SLC66A1: variants seen among roughly 807,000 people sequenced by gnomAD.
SLC66A1 encodes the protein lysosomal amino acid transporter 1 homolog.
A neutral mutation model predicts 33.0 loss-of-function variants in SLC66A1; 23 were observed. That is an observed-to-expected ratio of 0.70 (90% confidence interval 0.50 to 0.99). The LOEUF (loss-of-function observed/expected upper bound fraction) is 0.99. Among genes scored for constraint, SLC66A1 ranks in the 50% least tolerant of loss-of-function variants. The pLI is 0.00. For missense variants in SLC66A1, 335 were observed against 383.6 expected (o/e 0.87, Z 1.06); for synonymous variants, 164 against 175.5 (o/e 0.93, Z 0.52).
At chr1:19,314,142 G>A (rs909201045) in intron 1 of SLC66A1, among the ~76,000 whole-genome samples, 1 of 152,208 alleles carries the variant, frequency 6.6e-6, no homozygotes, top group South Asian at 2.1e-4. Context: ...CTGGCTTCTA[G>A]GTGACAGGAA....
intron 1 of SLC66A1, chr1:19,313,200 T>G: frequency 1.0e-6 from 1 of 985,430 alleles, no homozygotes; most frequent in Non-Finnish European, 1.2e-6. Flanking sequence ...AGTTCCAGAC[T>G]GGTAGGCATC....
downstream of SLC66A1, among the ~76,000 whole-genome samples, chr1:19,331,869 C>T (rs1240588342): frequency 6.6e-6 from 1 of 152,206 alleles, no homozygotes; most frequent in Non-Finnish European, 1.5e-5. Flanking sequence ...GATGGGGTGA[C>T]ATAATCCCTT....
intron 2 of SLC66A1, among the ~76,000 whole-genome samples, chr1:19,320,608 G>T (rs7521082): frequency 1.3e-5 from 2 of 151,198 alleles, no homozygotes; most frequent in Non-Finnish European, 2.9e-5. Flanking sequence ...GTAGAGACGG[G>T]GTTTCACCGT....
intron 1 of SLC66A1, among the ~76,000 whole-genome samples, chr1:19,317,119 G>A (rs1039638252): frequency 6.6e-5 from 10 of 152,046 alleles, no homozygotes; most frequent in African/African-American, 2.4e-4. Flanking sequence ...TCCTTAGAGA[G>A]TAATTTACAA....
chr1:19,327,227 T>C lies in SLC66A1; in HGVS notation c.619T>C (p.Phe207Leu). 1 of 1,612,964 alleles carries C rather than the reference T, an allele frequency of 6.2e-7. No homozygotes were observed. Among genetic ancestry groups the C allele is most frequent in the Non-Finnish European group, 8.5e-7 (1 of 1,179,208 alleles). The change falls in exon 7 of 8, where the codon TTC becomes CTC. Residue 207 changes from phenylalanine to leucine, a missense_variant and splice_region_variant. Physicochemically the swap from Phe to Leu is conservative, Grantham distance 22 (BLOSUM62 0). Coordinates refer to ENST00000375153, the MANE Select transcript of SLC66A1 (RefSeq NM_001040125.2). ...CTGACCTGACCTCCTCCTGCCCCAG[T>C]TCCTCCGGAAGTCCACCCAGGGGAT... ...LSRLPQIRTN[F>L]LRKSTQGISY... is the part of the protein sequence containing the mutation.
downstream of SLC66A1, among the ~76,000 whole-genome samples, chr1:19,333,899 C>CAAAACA (rs890825824): frequency 5.1e-5 from 5 of 98,336 alleles, no homozygotes; most frequent in Admixed American, 1.9e-4. This position sits in a 1 kb window ranked among gnomAD's most constrained non-coding sequence, Gnocchi z 4.2. Flanking sequence ...GACCTTGTCT[C>CAAAACA]AAACAAAACA....
chr1:19,325,638 T>TG (rs1294675966), intron 4 of SLC66A1, 56 bp downstream of exon 4: 28 of 826,708 alleles, frequency 3.4e-5, no homozygotes, highest in African/African-American at 7.7e-5. Flanking sequence ...GGGGCAGTTG[T>TG]GGGGGGGGGC....
intron 3 of SLC66A1, 77 bp downstream of exon 3, chr1:19,324,839 GC>G: frequency 6.4e-7 from 1 of 1,550,814 alleles, no homozygotes; most frequent in Non-Finnish European, 8.7e-7. Context: ...GAGATGCCAG[GC>G]TCTTTGGCCC....
chr1:19,320,708 C>CATGTGGATAT (rs1558148691), intron 2 of SLC66A1, among the ~76,000 whole-genome samples: 16 of 149,980 alleles, frequency 1.1e-4, no homozygotes, highest in African/African-American at 4.0e-4. Context: ...AGCCACCGCA[C>CATGTGGATAT]CTGGCCTCAC....
chr1:19,326,499 C>G, intron 5 of SLC66A1, 32 bp from the exon 6 acceptor site: 1 of 1,613,880 alleles, frequency 6.2e-7, no homozygotes, highest in Non-Finnish European at 8.5e-7. Flanking sequence ...CTGGCTCCTA[C>G]GAGACACCAA....
At position 19,327,529 on chromosome 1, in the gene SLC66A1, A is replaced by ATCCATCCCTCCC. The variant is rs1553263868; in HGVS notation, c.804+120_804+121insATCCCTCCCTCC. 29 of 682,128 alleles carry ATCCATCCCTCCC rather than the reference A, an allele frequency of 4.3e-5. No individual in the cohort carries two copies. In the East Asian group the frequency reaches 7.2e-4, roughly 17 times the overall value. The allele number at this position is 682,128 out of a possible 1,614,324, so 42.3% of individuals were successfully genotyped here. On this transcript the variant is annotated intron_variant, in intron 7 of 7. Transcript: ENST00000375153. The stretch of plus-strand genomic sequence containing the variant: ...CCTTCATCCATCCGTCCATCCATCC[A>ATCCATCCCTCCC]TCCCTCCCTCCCTCCCTCCCTCCCT...
chr1:19,325,567 A>G lies in SLC66A1; in HGVS notation c.367A>G (p.Thr123Ala). ...GCTGTACTTTTACTACAAGTTCAGG[A>G]CGCGCCCCTCTCTGTGTGAGTATGG... is the stretch of plus-strand genomic sequence containing the variant. ...LTLYFYYKFR[T>A]RPSLLSAPIN... Residue 123 changes from threonine (T) to alanine (A), a missense_variant, in exon 4 of 8, where the codon ACG (threonine) becomes GCG (alanine). By Grantham distance (58) the Thr-to-Ala change is moderately conservative (BLOSUM62 0). Transcript: ENST00000375153. 1.3e-6 allele frequency: 2 copies of G among 1,554,304 alleles called. No homozygotes were observed. The highest frequency in any genetic ancestry group is 1.8e-6 in the Non-Finnish European group (2 of 1,140,228).
At chr1:19,319,997 A>G (rs910720554) in intron 2 of SLC66A1, among the ~76,000 whole-genome samples, 2 of 149,694 alleles carry the variant, frequency 1.3e-5, no homozygotes, top group African/African-American at 4.9e-5. Context: ...GGCGTGCTCA[A>G]GAGATTCCCC....
chr1:19,327,042 G>C (rs370025333), intron 6 of SLC66A1, among the ~76,000 whole-genome samples, 185 bp from the exon 7 acceptor site: 39 of 152,208 alleles, frequency 2.6e-4, no homozygotes, highest in African/African-American at 8.4e-4. Context: ...GCAGGGGCCT[G>C]GGGGGGCTTG....
intron 1 of SLC66A1, among the ~76,000 whole-genome samples, chr1:19,315,731 C>CCTCTCTCCCTCT (rs1264069917): frequency 2.0e-5 from 3 of 152,130 alleles, no homozygotes; most frequent in East Asian, 1.9e-4. Context: ...TCTCTCCCTC[C>CCTCTCTCCCTCT]CTCTCTCCCT....
chr1:19,317,975 A>C (rs570875924), intron 2 of SLC66A1, 134 bp downstream of exon 2: 2 of 1,353,508 alleles, frequency 1.5e-6, no homozygotes, highest in East Asian at 2.3e-5. Context: ...TGTTCCCTCG[A>C]CAGGGACCTG....
intron 1 of SLC66A1, among the ~76,000 whole-genome samples, chr1:19,314,257 G>A (rs1417632278): frequency 6.6e-6 from 1 of 152,162 alleles, no homozygotes; most frequent in African/African-American, 2.4e-5. Flanking sequence ...CAAGGTCAGG[G>A]GGACACCCAC....
At chr1:19,332,615 A>T (rs894127968), downstream of SLC66A1, among the ~76,000 whole-genome samples, 4 of 152,190 alleles carry the variant, frequency 2.6e-5, no homozygotes, top group East Asian at 1.9e-4. Context: ...ACAAAAATTT[A>T]AAAAATTACA....
In SLC66A1 at chr1:19,317,802, G is replaced by A. The variant is rs138788977; in HGVS notation, c.125G>A (p.Gly42Asp). The A allele has an allele frequency of 6.2e-7, 1 of 1,614,150 alleles. No individual in the cohort carries two copies. The highest frequency in any genetic ancestry group is 8.5e-7 in the Non-Finnish European group (1 of 1,180,018). ...TGGGACGAGGCCAGCGTGGGCCTGG[G>A]CTTGATCTCCATTCTCTGCTTTGCT... ...DGWDEASVGL[G>D]LISILCFAAS... Residue 42 changes from glycine (G) to aspartate (D), a missense_variant, in exon 2 of 8, where the codon GGC (glycine) becomes GAC (aspartate). Transcript: ENST00000375153.
Sources: allele counts gnomAD v4.1 joint callset (sites outside exome capture counted in the v4.1 genomes callset), GRCh38; gene constraint gnomAD v4.1.1; non-coding constraint Gnocchi (gnomAD v3.1); transcripts MANE v1.5; gene names NCBI Gene and HGNC (gene_info 2026-07-23, HGNC 2026-07-21).